KLHL32: variants seen among roughly 807,000 people sequenced by gnomAD.
KLHL32 encodes kelch-like protein 32.
A neutral mutation model predicts 64.8 loss-of-function variants in KLHL32; 35 were observed. The observed-to-expected ratio is 0.54, with a 90% CI of 0.41 to 0.72. The LOEUF is 0.72. KLHL32 is among the 30% of genes least tolerant of loss of function. The pLI, the probability that KLHL32 is intolerant of heterozygous loss-of-function variation, is 0.00. For missense variants in KLHL32, 589 were observed against 768.5 expected (o/e 0.77, Z 2.76); for synonymous variants, 259 against 281.0 (o/e 0.92, Z 0.78).
intron 2 of KLHL32, among the ~76,000 whole-genome samples, chr6:96,972,890 C>A (rs1267956467): frequency 6.6e-6 from 1 of 152,150 alleles, no homozygotes; most frequent in Admixed American, 6.5e-5. Flanking sequence ...GTGAAGTGGG[C>A]GTGCTCCCTT....
intron 3 of KLHL32, among the ~76,000 whole-genome samples, chr6:97,036,742 A>C (rs2128122509): frequency 6.6e-6 from 1 of 152,304 alleles, no homozygotes; most frequent in East Asian, 1.9e-4. Flanking sequence ...AAGTGACATC[A>C]CACCCAGGTG....
At chr6:96,980,257 G>A (rs553782045) in intron 3 of KLHL32, among the ~76,000 whole-genome samples, 26 of 152,228 alleles carry the variant, frequency 1.7e-4, no homozygotes, top group African/African-American at 6.3e-4. Flanking sequence ...CAAAGGGAAT[G>A]CTCCAGCTTT....
intron 3 of KLHL32, among the ~76,000 whole-genome samples, chr6:96,995,828 C>G (rs193274207): frequency 7.9e-5 from 12 of 152,286 alleles, no homozygotes. Flanking sequence ...TTTTTGAAAT[C>G]TTAATACTTT....
At chr6:97,053,367 A>G (rs1266228603) in intron 4 of KLHL32, among the ~76,000 whole-genome samples, 2 of 152,176 alleles carry the variant, frequency 1.3e-5, no homozygotes, top group Non-Finnish European at 2.9e-5. Context: ...AGTGCCTCCA[A>G]ATTCCCAGCT....
At position 97,140,454 on chromosome 6, in the gene KLHL32, T is replaced by A. The variant is rs1800565544; in HGVS notation, c.*1172T>A. On this transcript the variant is annotated 3_prime_UTR_variant, in exon 11 of 11. Transcript: ENST00000369261. ...ATACATATTTTATTACTATCTCTTTTAATAATGCATAGGAATTCTTTTTTA... is the reference window on the plus strand; with the variant it reads ...ATACATATTTTATTACTATCTCTTTAAATAATGCATAGGAATTCTTTTTTA... 1 of 152,068 alleles carries A rather than the reference T, an allele frequency of 6.6e-6. No individual in the cohort carries two copies. Among genetic ancestry groups the A allele is most frequent in the Admixed American group, 6.5e-5 (1 of 15,280 alleles). 9.4% of individuals were successfully genotyped at this position (152,068 alleles called of 1,614,324 possible). A position where few individuals can be genotyped will look rare whatever the true frequency, so the allele number is the denominator to read the frequency against.
chr6:96,963,328 G>A (rs1774084316), intron 1 of KLHL32, among the ~76,000 whole-genome samples: 1 of 152,170 alleles, frequency 6.6e-6, no homozygotes, highest in South Asian at 2.1e-4. Flanking sequence ...TGTTGAGTAA[G>A]GTTTGTTGTG....
chr6:96,986,344 G>C (rs1251217751), intron 3 of KLHL32, among the ~76,000 whole-genome samples: 1 of 152,202 alleles, frequency 6.6e-6, no homozygotes, highest in Non-Finnish European at 1.5e-5. Context: ...GAGGCAGTCT[G>C]TCCGTTCTTA....
At chr6:97,041,651 C>A in intron 4 of KLHL32, 52 bp downstream of exon 4, 1 of 1,040,538 alleles carries the variant, frequency 9.6e-7, no homozygotes, top group Non-Finnish European at 1.5e-6. Flanking sequence ...TACATCTAAC[C>A]AAAGGAGATT....
intron 3 of KLHL32, among the ~76,000 whole-genome samples, chr6:96,997,794 T>C (rs1778577581): frequency 6.6e-6 from 1 of 152,114 alleles, no homozygotes; most frequent in Non-Finnish European, 1.5e-5. Context: ...CTCAAGTAGC[T>C]GAGACTACAA....
intron 3 of KLHL32, among the ~76,000 whole-genome samples, chr6:97,038,284 T>C (rs1256643987): frequency 1.3e-5 from 2 of 151,880 alleles, no homozygotes; most frequent in Non-Finnish European, 2.9e-5. Flanking sequence ...TGACAAGGGA[T>C]TGATAACCAG....
intron 1 of KLHL32, among the ~76,000 whole-genome samples, chr6:96,954,954 G>A (rs1773081752): frequency 6.6e-6 from 1 of 152,158 alleles, no homozygotes; most frequent in Non-Finnish European, 1.5e-5. Flanking sequence ...TCACAATTCT[G>A]AAGCCTGGAA....
chr6:97,132,829 G>GAATTGA, intron 10 of KLHL32, 82 bp downstream of exon 10: 1 of 962,382 alleles, frequency 1.0e-6, no homozygotes, highest in South Asian at 1.5e-5. Context: ...TGAAGAAAGA[G>GAATTGA]ATATTTATGT....
chr6:97,123,316 C>G (rs1218322456), intron 7 of KLHL32, among the ~76,000 whole-genome samples: 1 of 152,174 alleles, frequency 6.6e-6, no homozygotes, highest in Non-Finnish European at 1.5e-5. Context: ...CACTTGTCAT[C>G]TCTCCAGTAT....
intron 3 of KLHL32, among the ~76,000 whole-genome samples, chr6:96,985,362 T>C (rs1281675088): frequency 6.6e-6 from 1 of 152,202 alleles, no homozygotes; most frequent in Non-Finnish European, 1.5e-5. Flanking sequence ...GGAGTTGCTC[T>C]TCTCGAGGAG....
At chr6:97,015,766 T>C (rs1781082266) in intron 3 of KLHL32, among the ~76,000 whole-genome samples, 2 of 152,116 alleles carry the variant, frequency 1.3e-5, no homozygotes. Context: ...CCAGGGCATG[T>C]CAGAGATCTT....
At chr6:96,900,510 T>C in the KLHL32 span, among the ~76,000 whole-genome samples, 1 of 152,248 alleles carries the variant, frequency 6.6e-6, no homozygotes, top group Non-Finnish European at 1.5e-5. Context: ...TATTGTTAGA[T>C]TTATTAAGGT....
At chr6:96,938,604 T>C (rs1770902032) in intron 1 of KLHL32, among the ~76,000 whole-genome samples, 1 of 152,180 alleles carries the variant, frequency 6.6e-6, no homozygotes, top group Non-Finnish European at 1.5e-5. Flanking sequence ...GGGCTTTGGC[T>C]GCTTGTAGCT....
chr6:97,126,445 G>T (rs975361951), intron 7 of KLHL32, among the ~76,000 whole-genome samples: 1 of 151,884 alleles, frequency 6.6e-6, no homozygotes, highest in East Asian at 1.9e-4. Flanking sequence ...AGTATGAAAA[G>T]AAGTATGAGG....
At chr6:96,906,479 T>A in the KLHL32 span, among the ~76,000 whole-genome samples, 1 of 152,166 alleles carries the variant, frequency 6.6e-6, no homozygotes. Flanking sequence ...TGAGTGAAGG[T>A]CTCTTGAGTG....
Sources: allele counts gnomAD v4.1 joint callset (sites outside exome capture counted in the v4.1 genomes callset), GRCh38; gene constraint gnomAD v4.1.1; transcripts MANE v1.5; gene names NCBI Gene and HGNC (gene_info 2026-07-23, HGNC 2026-07-21).